The following MCC variants were observed in gnomAD, a reference collection of about 807,000 sequenced individuals.
MCC encodes the protein colorectal mutant cancer protein.
A neutral mutation model predicts 116.2 loss-of-function variants in MCC; 90 were observed. The observed-to-expected ratio is 0.77, with a 90% CI of 0.65 to 0.92. The LOEUF (loss-of-function observed/expected upper bound fraction) is 0.92. MCC is among the 40% of genes least tolerant of loss of function. MCC has a pLI of 0.00. For missense variants in MCC, 1,516 were observed against 1,312.2 expected, an observed-to-expected ratio of 1.16 and a Z score of -2.40; for synonymous variants, 578 against 510.5, an observed-to-expected ratio of 1.13 and a Z score of -1.78.
intron 3 of MCC, among the ~76,000 whole-genome samples, chr5:113,185,464 G>T (rs1447874630): frequency 6.6e-6 from 1 of 152,100 alleles, no homozygotes; most frequent in Non-Finnish European, 1.5e-5. Flanking sequence ...TTAAAATCCT[G>T]GTTACATGAT....
At chr5:113,484,352 A>T (rs1266757250) in intron 1 of MCC, among the ~76,000 whole-genome samples, 1 of 152,182 alleles carries the variant, frequency 6.6e-6, no homozygotes, top group Non-Finnish European at 1.5e-5. Context: ...TGTTTGAAAC[A>T]TTTTCCAATA....
intron 3 of MCC, among the ~76,000 whole-genome samples, chr5:113,293,111 C>A (rs1336618363): frequency 2.0e-5 from 3 of 152,166 alleles, no homozygotes; most frequent in African/African-American, 4.8e-5. Context: ...AGGAACAGCA[C>A]AGCAGCAGCA....
chr5:113,114,672 T>C (rs545904936), intron 6 of MCC, among the ~76,000 whole-genome samples: 5 of 151,988 alleles, frequency 3.3e-5, no homozygotes, highest in Non-Finnish European at 5.9e-5. Flanking sequence ...TCAGAAACTG[T>C]GGTTTGATGT....
At chr5:113,397,584 G>C (rs1414413618) in intron 1 of MCC, among the ~76,000 whole-genome samples, 1 of 152,058 alleles carries the variant, frequency 6.6e-6, no homozygotes, top group Non-Finnish European at 1.5e-5. Flanking sequence ...CTTTTTCAAT[G>C]GGGAAAAGAC....
chr5:113,271,393 A>G (rs922136682), intron 3 of MCC, among the ~76,000 whole-genome samples: 1 of 152,234 alleles, frequency 6.6e-6, no homozygotes. Context: ...GATGAAACCC[A>G]TAGACAAGAG....
intron 2 of MCC, among the ~76,000 whole-genome samples, chr5:113,374,290 T>G (rs1456888565): frequency 6.6e-6 from 1 of 152,080 alleles, no homozygotes; most frequent in African/African-American, 2.4e-5. Context: ...TTAACAGTGT[T>G]TGACAGCCTT....
In MCC at chr5:113,462,332, C is replaced by T. The variant is rs148905414; in HGVS notation, c.170+25913G>A. On this transcript the variant is annotated intron_variant, in intron 1 of 18. Coordinates refer to ENST00000408903, the MANE Select transcript of MCC (RefSeq NM_001085377.2). ...AATTTGTCCACAGACTTGGATTTTC[C>T]GGGCTGCTTGTTTCATAGTTCCCAG... Among the ~76,000 whole-genome samples the T allele has an allele frequency of 1.8e-3, 274 of 152,286 alleles. 5 individuals are homozygous for T. In the East Asian group the frequency reaches 0.019, roughly 11 times the overall value.
At chr5:113,074,575 A>G (rs892123029) in intron 11 of MCC, among the ~76,000 whole-genome samples, 3 of 42,260 alleles carry the variant, frequency 7.1e-5, no homozygotes, top group Non-Finnish European at 2.1e-4. Flanking sequence ...ACGATAGATA[A>G]TAACAAACTT....
At chr5:113,388,283 A>G (rs1224015977) in intron 1 of MCC, among the ~76,000 whole-genome samples, 1 of 152,252 alleles carries the variant, frequency 6.6e-6, no homozygotes, top group Non-Finnish European at 1.5e-5. Flanking sequence ...ACTAGTTTTT[A>G]AAAACTAAAT....
chr5:113,315,459 A>C (rs1767255526), intron 3 of MCC, among the ~76,000 whole-genome samples: 1 of 152,194 alleles, frequency 6.6e-6, no homozygotes, highest in African/African-American at 2.4e-5. Context: ...AAATAGTTCA[A>C]CTTAATACTA....
At position 113,195,772 on chromosome 5, in the gene MCC, C is replaced by T. The variant is rs552199974; in HGVS notation, c.628-44350G>A. Among the ~76,000 whole-genome samples, 6 of 152,248 alleles carry T rather than the reference C, an allele frequency of 3.9e-5. No individual in the cohort carries two copies. In the East Asian group the frequency reaches 1.2e-3, roughly 29 times the overall value. On this transcript the variant is annotated intron_variant, in intron 3 of 18. Transcript: ENST00000408903. ...TCAAACTCCTTTGACCACAATATTCCCCTTCTCAAAAATCTTTGGTGGCAG... is the reference window on the plus strand; with the variant it reads ...TCAAACTCCTTTGACCACAATATTCTCCTTCTCAAAAATCTTTGGTGGCAG...
intron 3 of MCC, among the ~76,000 whole-genome samples, chr5:113,187,883 G>C (rs750714930): frequency 2.0e-5 from 3 of 152,012 alleles, no homozygotes; most frequent in Non-Finnish European, 4.4e-5. Flanking sequence ...CAGAACCCAC[G>C]TTACAAACAA....
chr5:113,256,086 G>C (rs567026948), intron 3 of MCC, among the ~76,000 whole-genome samples: 1 of 152,108 alleles, frequency 6.6e-6, no homozygotes, highest in Non-Finnish European at 1.5e-5. Context: ...CCCTTGTTCC[G>C]AGAATTCACC....
intron 8 of MCC, among the ~76,000 whole-genome samples, chr5:113,096,817 C>A (rs564169480): frequency 6.6e-6 from 1 of 152,126 alleles, no homozygotes; most frequent in Admixed American, 6.5e-5. Context: ...GGGAGTGAAC[C>A]TGTTATTGCA....
chr5:113,234,318 T>A (rs1342949874), intron 3 of MCC: 1 of 152,146 alleles, frequency 6.6e-6, no homozygotes, highest in Non-Finnish European at 1.5e-5. Context: ...CACATTACTA[T>A]AAGTCTTAAA....
chr5:113,343,791 A>T (rs1219354044), intron 2 of MCC, among the ~76,000 whole-genome samples: 1 of 152,228 alleles, frequency 6.6e-6, no homozygotes, highest in African/African-American at 2.4e-5. Flanking sequence ...AAAATAAATT[A>T]TACATTTAAA....
At chr5:113,105,635 G>A (rs1756685090) in intron 6 of MCC, among the ~76,000 whole-genome samples, 1 of 152,032 alleles carries the variant, frequency 6.6e-6, no homozygotes, top group Admixed American at 6.6e-5. Flanking sequence ...TTCATCTTGT[G>A]ACCACAACCT....
At chr5:113,270,628 CAT>C (rs143923571) in intron 3 of MCC, among the ~76,000 whole-genome samples, 3,162 of 148,838 alleles carry the variant, frequency 0.021, 40 homozygotes, top group Middle Eastern at 0.027. Context: ...AGAAATGCTT[CAT>C]GTTTTCTGAT....
intron 1 of MCC, among the ~76,000 whole-genome samples, chr5:113,478,660 T>C (rs1391745792): frequency 6.6e-6 from 1 of 152,134 alleles, no homozygotes; most frequent in Non-Finnish European, 1.5e-5. Flanking sequence ...AGGGAGACAT[T>C]GAGGTCAGAG....
Sources: gnomAD v4.1 joint callset for allele counts (sites outside exome capture counted in the v4.1 genomes callset) on GRCh38, gnomAD v4.1.1 for gene constraint, MANE v1.5 for transcripts, NCBI Gene and HGNC (gene_info 2026-07-23, HGNC 2026-07-21) for gene names.